ELMO1: variants seen among roughly 807,000 people sequenced by gnomAD.
ELMO1 encodes engulfment and cell motility 1, also known as engulfment and cell motility protein 1.
In ELMO1, 26 loss-of-function variants were observed where a neutral mutation model predicts 98.9. That is an observed-to-expected ratio of 0.26 (90% confidence interval 0.19 to 0.36). ELMO1 has a LOEUF of 0.36. ELMO1 is among the 10% of genes least tolerant of loss of function. ELMO1 has a pLI of 1.00. For missense variants in ELMO1, 627 were observed against 935.2 expected (o/e 0.67, Z 4.30); for synonymous variants, 346 against 346.0 (o/e 1.00, Z 0.00).
chr7:37,117,156 A>T, intron 14 of ELMO1: 1 of 203,632 alleles, frequency 4.9e-6, no homozygotes, highest in Admixed American at 4.6e-5. Context: ...TACAGTTGGG[A>T]TAAATTTCAA....
At chr7:37,398,910 G>A (rs1402529265) in intron 1 of ELMO1, among the ~76,000 whole-genome samples, 5 of 152,180 alleles carry the variant, frequency 3.3e-5, no homozygotes, top group Admixed American at 3.3e-4. Flanking sequence ...AGCTCCATGA[G>A]CATTATTACA....
intron 1 of ELMO1, among the ~76,000 whole-genome samples, chr7:37,404,810 T>C (rs1803683955): frequency 6.6e-6 from 1 of 152,222 alleles, no homozygotes; most frequent in African/African-American, 2.4e-5. Flanking sequence ...TCTAAATAGA[T>C]TGTGGTCGCA....
intron 16 of ELMO1, among the ~76,000 whole-genome samples, chr7:36,928,590 C>T (rs1785770733): frequency 6.6e-6 from 1 of 152,148 alleles, no homozygotes; most frequent in Non-Finnish European, 1.5e-5. Context: ...AGAGAGATAA[C>T]ACCAACCCCT....
chr7:37,200,004 C>T (rs947314270), intron 13 of ELMO1, among the ~76,000 whole-genome samples: 1 of 152,158 alleles, frequency 6.6e-6, no homozygotes, highest in African/African-American at 2.4e-5. Context: ...TAAACCTGAT[C>T]TTCTTCAGTT....
chr7:37,016,582 A>T (rs1406550837), intron 15 of ELMO1, among the ~76,000 whole-genome samples: 2 of 152,096 alleles, frequency 1.3e-5, no homozygotes, highest in Non-Finnish European at 2.9e-5. Flanking sequence ...CCTTCAACAT[A>T]AACCCAGATC....
At chr7:37,396,628 C>A (rs1366013378) in intron 1 of ELMO1, among the ~76,000 whole-genome samples, 1 of 152,118 alleles carries the variant, frequency 6.6e-6, no homozygotes, top group Non-Finnish European at 1.5e-5. Flanking sequence ...TTCATTTACC[C>A]TTATAGATTG....
intron 15 of ELMO1, among the ~76,000 whole-genome samples, chr7:37,067,962 C>T (rs1382219775): frequency 1.3e-5 from 2 of 151,988 alleles, no homozygotes; most frequent in Non-Finnish European, 2.9e-5. Flanking sequence ...TTATGAGAAT[C>T]CAAAATTCAG....
At chr7:37,010,344 T>C (rs1347912394) in intron 16 of ELMO1, among the ~76,000 whole-genome samples, 1 of 152,228 alleles carries the variant, frequency 6.6e-6, no homozygotes, top group Non-Finnish European at 1.5e-5. Context: ...CCTCAGAACC[T>C]GAGAATACGT....
At chr7:37,361,518 C>T (rs1801696868) in intron 1 of ELMO1, among the ~76,000 whole-genome samples, 1 of 152,210 alleles carries the variant, frequency 6.6e-6, no homozygotes, top group South Asian at 2.1e-4. Context: ...CAAAGACCAT[C>T]CCGCCTGTAA....
intron 13 of ELMO1, among the ~76,000 whole-genome samples, chr7:37,135,462 G>A (rs994112600): frequency 2.6e-4 from 40 of 152,240 alleles, no homozygotes; most frequent in South Asian, 1.5e-3. Flanking sequence ...CCAAGGACCC[G>A]CACAGAGTCC....
chr7:37,407,039 A>G lies in ELMO1; in HGVS notation c.-74+41636T>C, dbSNP rs947646981. Among the ~76,000 whole-genome samples, 3 of 152,126 alleles carry G rather than the reference A, an allele frequency of 2.0e-5. No individual in the cohort carries two copies. In the East Asian group the frequency reaches 5.8e-4, roughly 29 times the overall value. ...ACTTTGGTAATTTATAATAGCGTTG[A>G]AAAAACTTACAGCTATACAAAATCT... On this transcript the variant is annotated intron_variant, in intron 1 of 21. Transcript: ENST00000310758.
intron 13 of ELMO1, among the ~76,000 whole-genome samples, chr7:37,191,877 CA>C (rs1224695198): frequency 6.6e-6 from 1 of 152,058 alleles, no homozygotes; most frequent in Non-Finnish European, 1.5e-5. Context: ...AAGATCGCAC[CA>C]GTGACTACCG....
intron 16 of ELMO1, among the ~76,000 whole-genome samples, chr7:36,921,320 C>T (rs1785138960): frequency 6.6e-6 from 1 of 152,230 alleles, no homozygotes; most frequent in African/African-American, 2.4e-5. Context: ...CCTTTGGAAC[C>T]TGGCTCTGCC....
intron 16 of ELMO1, among the ~76,000 whole-genome samples, chr7:37,005,123 A>G (rs1413860128): frequency 5.3e-5 from 8 of 151,128 alleles, no homozygotes; most frequent in South Asian, 4.2e-4. Context: ...AAAAAAAAAA[A>G]AAAAAAAAAG....
chr7:37,233,268 G>A, intron 7 of ELMO1, 74 bp from the exon 8 acceptor site: 1 of 1,327,950 alleles, frequency 7.5e-7, no homozygotes, highest in Non-Finnish European at 1.0e-6. Context: ...GAAAGTTCTG[G>A]GAAAGTGAAT....
chr7:37,111,426 G>T (rs1239400068), intron 14 of ELMO1, among the ~76,000 whole-genome samples: 1 of 152,248 alleles, frequency 6.6e-6, no homozygotes, highest in Non-Finnish European at 1.5e-5. Flanking sequence ...ACAGGCCATA[G>T]ACTGTTGGGA....
chr7:37,233,258 G>T (rs1045427556), intron 7 of ELMO1, 64 bp from the exon 8 acceptor site: 3 of 1,432,794 alleles, frequency 2.1e-6, no homozygotes, highest in Non-Finnish European at 2.9e-6. Context: ...ACAGAAGCAA[G>T]AAAGTTCTGG....
intron 1 of ELMO1, among the ~76,000 whole-genome samples, chr7:37,401,606 C>T (rs1357410215): frequency 6.6e-6 from 1 of 152,166 alleles, no homozygotes; most frequent in Non-Finnish European, 1.5e-5. Flanking sequence ...GCAAACACAT[C>T]CTTCTTCACA....
At chr7:37,424,725 T>C (rs919630727) in intron 1 of ELMO1, among the ~76,000 whole-genome samples, 6 of 152,164 alleles carry the variant, frequency 3.9e-5, no homozygotes, top group African/African-American at 7.2e-5. Flanking sequence ...CTGTAATGAG[T>C]GTTCAAGGTC....
Sources: gnomAD v4.1 joint callset for allele counts (sites outside exome capture counted in the v4.1 genomes callset) on GRCh38, gnomAD v4.1.1 for gene constraint, MANE v1.5 for transcripts, NCBI Gene and HGNC (gene_info 2026-07-23, HGNC 2026-07-21) for gene names.